Variants in DNAAF5 observed in about 807,000 individuals in gnomAD.
DNAAF5 encodes HEAT repeat containing 2.
Under a neutral mutation model 75.8 loss-of-function variants are expected in DNAAF5, and 64 were observed. The observed-to-expected ratio is 0.84, with a 90% CI of 0.69 to 1.04. The LOEUF (loss-of-function observed/expected upper bound fraction) is 1.04. Ranked by LOEUF, DNAAF5 falls within the 50% of genes least tolerant of loss-of-function variation. DNAAF5 has a pLI of 0.00. For missense variants in DNAAF5, 1,269 were observed against 1,178.5 expected (o/e 1.08, Z -1.12); for synonymous variants, 657 against 557.2 (o/e 1.18, Z -2.52).
At position 780,187 on chromosome 7, in the gene DNAAF5, C is replaced by A. The variant is rs561540958; in HGVS notation, c.2431+43C>A. ...TGGCCTTCGTTCCGATGCCTGCTTT[C>A]GGCGCCTGCCACGGGCATCTGTAGC... On this transcript the variant is annotated intron_variant, in intron 12 of 12. Transcript: ENST00000297440. 8 of 1,568,452 alleles carry A rather than the reference C, an allele frequency of 5.1e-6. No homozygotes were observed. The East Asian group carries it at 1.6e-4, about 31-fold the overall frequency.
intron 8 of DNAAF5, among the ~76,000 whole-genome samples, chr7:769,963 T>A (rs1027263702): frequency 1.3e-5 from 2 of 151,316 alleles, no homozygotes; most frequent in African/African-American, 4.9e-5. Flanking sequence ...TTTGTTTTTG[T>A]TTTTTTGAGA....
chr7:730,580 G>A (rs1304301192), intron 2 of DNAAF5, among the ~76,000 whole-genome samples: 3 of 152,204 alleles, frequency 2.0e-5, no homozygotes, highest in Non-Finnish European at 4.4e-5. Context: ...GAGTCACTCG[G>A]GGTATTCTGG....
In DNAAF5 at chr7:745,473, C is replaced by G. The variant is rs533216362; in HGVS notation, c.1024+4008C>G. Reference sequence around the variant, plus strand: ...ACATGCATGCACATGTACACACACACCTGTGCACACATGTACATGCATATC... The same window carrying G: ...ACATGCATGCACATGTACACACACAGCTGTGCACACATGTACATGCATATC... On this transcript the variant is annotated intron_variant, in intron 4 of 12. Coordinates refer to ENST00000297440, the MANE Select transcript of DNAAF5 (RefSeq NM_017802.4). Among the ~76,000 whole-genome samples the G allele has an allele frequency of 7.2e-5, 11 of 152,278 alleles. No individual in the cohort carries two copies. In the East Asian group the frequency reaches 1.2e-3, roughly 16 times the overall value.
chr7:744,841 G>A (rs1215890895), intron 4 of DNAAF5, among the ~76,000 whole-genome samples: 1 of 152,174 alleles, frequency 6.6e-6, no homozygotes, highest in Non-Finnish European at 1.5e-5. Context: ...GACCTCAGGT[G>A]ATCCGCCTGC....
At chr7:761,328 C>CT (rs1782636469) in intron 6 of DNAAF5, among the ~76,000 whole-genome samples, 1 of 152,270 alleles carries the variant, frequency 6.6e-6, no homozygotes, top group Non-Finnish European at 1.5e-5. Context: ...CGGGCGGGCT[C>CT]TGTCGGCCCT....
chr7:745,346 T>C (rs373171021), intron 4 of DNAAF5, among the ~76,000 whole-genome samples: 1 of 150,722 alleles, frequency 6.6e-6, no homozygotes, highest in Non-Finnish European at 1.5e-5. Context: ...AGGCGGGGGG[T>C]CGGGGGGACT....
At chr7:740,763 C>A in intron 2 of DNAAF5, 56 bp from the exon 3 acceptor site, 1 of 1,603,598 alleles carries the variant, frequency 6.2e-7, no homozygotes, top group East Asian at 2.2e-5. Flanking sequence ...ACCGTGGCGT[C>A]AGCCCCGGCA....
At position 748,867 on chromosome 7, in the gene DNAAF5, G is replaced by A. The variant is rs994188047; in HGVS notation, c.1025-5722G>A. Among the ~76,000 whole-genome samples, 170 of 152,312 alleles carry A rather than the reference G, an allele frequency of 1.1e-3. 1 individual carries two copies. The highest frequency in any genetic ancestry group is 2.5e-4 in the Non-Finnish European group (17 of 68,034). On this transcript the variant is annotated intron_variant, in intron 4 of 12. Coordinates refer to ENST00000297440, the MANE Select transcript of DNAAF5 (RefSeq NM_017802.4). ...GTTGGGTTGCCGAGTGCGTGAACAG[G>A]CAAAGTTCGGTAATATTTTCAGACC...
intron 6 of DNAAF5, among the ~76,000 whole-genome samples, chr7:760,341 AC>A (rs974235332): frequency 6.6e-6 from 1 of 151,958 alleles, no homozygotes; most frequent in Non-Finnish European, 1.5e-5. Context: ...TTGAACTTGC[AC>A]CCCCATTAGT....
intron 8 of DNAAF5, among the ~76,000 whole-genome samples, chr7:766,242 A>G (rs1487083758): frequency 6.6e-6 from 1 of 152,218 alleles, no homozygotes; most frequent in Non-Finnish European, 1.5e-5. Flanking sequence ...CAATATTTCC[A>G]ACATCGTGTC....
At position 754,671 on chromosome 7, in the gene DNAAF5, C is replaced by T. The variant is rs201438122; in HGVS notation, c.1107C>T (p.Thr369=). 1.1e-5 allele frequency: 18 copies of T among 1,613,976 alleles called. No individual in the cohort carries two copies. The highest frequency in any genetic ancestry group is 4.5e-5 in the East Asian group (2 of 44,890). The part of the protein sequence containing the change: ...KILPALCHDI[T]DWVVGTRVKS... Reference sequence around the variant, plus strand: ...TCCCTGCCCTGTGCCACGACATCACCGACTGGGTGGTGGGGACCCGAGTGA... The same window carrying T: ...TCCCTGCCCTGTGCCACGACATCACTGACTGGGTGGTGGGGACCCGAGTGA... The change falls in exon 5 of 13, where the codon ACC becomes ACT. Residue 369 remains threonine, a synonymous_variant. Coordinates refer to ENST00000297440, the MANE Select transcript of DNAAF5 (RefSeq NM_017802.4). The surrounding 1 kb of genome is among the most constrained non-coding windows in gnomAD (Gnocchi z 4.8).
At chr7:740,227 G>T (rs1207335632) in intron 2 of DNAAF5, among the ~76,000 whole-genome samples, 2 of 152,242 alleles carry the variant, frequency 1.3e-5, no homozygotes, top group Non-Finnish European at 2.9e-5. Context: ...AGCACCTGGT[G>T]TGTGTGAAGC....
chr7:732,004 ACCTTCC>A (rs1288046655), intron 2 of DNAAF5, among the ~76,000 whole-genome samples: 2 of 152,086 alleles, frequency 1.3e-5, no homozygotes, highest in Non-Finnish European at 2.9e-5. Context: ...CTCGTAGGAA[ACCTTCC>A]AGCAGCCTGC....
At chr7:770,084 T>G (rs2128083525) in intron 8 of DNAAF5, among the ~76,000 whole-genome samples, 1 of 152,278 alleles carries the variant, frequency 6.6e-6, no homozygotes, top group East Asian at 1.9e-4. Context: ...CCCAAGTAGA[T>G]GGGACTACAG....
intron 8 of DNAAF5, among the ~76,000 whole-genome samples, chr7:764,559 G>A (rs1212179840): frequency 6.6e-6 from 1 of 152,216 alleles, no homozygotes; most frequent in Admixed American, 6.5e-5. Context: ...TTCCTCGTTT[G>A]CCTCCCCGGC....
chr7:761,957 CTAAG>C (rs1782662541), intron 7 of DNAAF5, 61 bp downstream of exon 7: 1 of 1,175,682 alleles, frequency 8.5e-7, no homozygotes. Flanking sequence ...GAAGGCATCT[CTAAG>C]TGAGGTGAAC....
rs774499919 is a variant in DNAAF5, at chr7:740,920, C to A, written c.882C>A (p.Leu294=). 31 of 1,613,632 alleles carry A rather than the reference C, an allele frequency of 1.9e-5. No homozygotes were observed. The highest frequency in any genetic ancestry group is 2.4e-5 in the Non-Finnish European group (28 of 1,180,052). The change falls in exon 3 of 13, where the codon CTC becomes CTA. Residue 294 remains leucine, a synonymous_variant. Transcript: ENST00000297440. ...TCATCCCTCTGCTGCTCAGTAGCCT[C>A]AACGACGAGGTGCCTGAGGTCAGGT... ...HKLIPLLLSS[L]NDEVPEVRQL...
At chr7:770,333 T>G (rs1053232026) in intron 8 of DNAAF5, 138 bp from the exon 9 acceptor site, 122 of 689,308 alleles carry the variant, frequency 1.8e-4, no homozygotes, top group East Asian at 3.3e-4. Context: ...CCTTACTGAT[T>G]GAGAAAGAGG....
At chr7:769,998 C>A (rs983571305) in intron 8 of DNAAF5, among the ~76,000 whole-genome samples, 2 of 152,200 alleles carry the variant, frequency 1.3e-5, no homozygotes, top group African/African-American at 4.8e-5. Flanking sequence ...GTCACCCAGG[C>A]TGGAGTGCAG....
Sources: gnomAD v4.1 joint callset for allele counts (sites outside exome capture counted in the v4.1 genomes callset) on GRCh38, gnomAD v4.1.1 for gene constraint, Gnocchi (gnomAD v3.1) non-coding constraint, MANE v1.5 for transcripts, NCBI Gene and HGNC (gene_info 2026-07-23, HGNC 2026-07-21) for gene names.